The following CADPS2 variants were observed in gnomAD, a reference collection of about 807,000 sequenced individuals.
The protein encoded by CADPS2 is calcium dependent secretion activator 2.
A neutral mutation model predicts 172.5 loss-of-function variants in CADPS2; 93 were observed. The ratio of observed to expected loss-of-function variants is 0.54; its 90% CI spans 0.46 to 0.64. The LOEUF is 0.64. Ranked by LOEUF, CADPS2 falls within the 30% of genes least tolerant of loss-of-function variation. The probability of loss-of-function intolerance (pLI) is 0.00; values close to 1 mark genes in which losing one functional copy is unlikely to be tolerated. For synonymous variants in CADPS2, 546 were observed against 555.2 expected (o/e 0.98, Z 0.23); for missense variants, 1,420 against 1,565.9 (o/e 0.91, Z 1.57).
intron 1 of CADPS2, among the ~76,000 whole-genome samples, chr7:122,747,528 T>C (rs1344791855): frequency 6.6e-6 from 1 of 152,170 alleles, no homozygotes; most frequent in African/African-American, 2.4e-5. Flanking sequence ...CTAACATTTA[T>C]TGACCATTTA....
chr7:122,326,781 A>G (rs1292813576), intron 28 of CADPS2, among the ~76,000 whole-genome samples: 1 of 152,106 alleles, frequency 6.6e-6, no homozygotes, highest in Non-Finnish European at 1.5e-5. Flanking sequence ...ATATTTATTA[A>G]CATTGATCCA....
At chr7:122,566,605 A>G (rs559434009) in intron 7 of CADPS2, among the ~76,000 whole-genome samples, 19 of 152,296 alleles carry the variant, frequency 1.2e-4, no homozygotes, top group African/African-American at 4.1e-4. Flanking sequence ...TTTTATTAAT[A>G]TAGTGACTAA....
chr7:122,391,340 A>T (rs2044343386), intron 22 of CADPS2, among the ~76,000 whole-genome samples: 1 of 152,078 alleles, frequency 6.6e-6, no homozygotes, highest in South Asian at 2.1e-4. Context: ...CATACTTTAA[A>T]AAAGGGCCCT....
chr7:122,680,961 G>A (rs1184808886), intron 2 of CADPS2, among the ~76,000 whole-genome samples: 1 of 151,528 alleles, frequency 6.6e-6, no homozygotes, highest in East Asian at 1.9e-4. Context: ...ACAAAATGAT[G>A]AGTTCATGTC....
At chr7:122,414,510 C>T (rs901110644) in intron 18 of CADPS2, among the ~76,000 whole-genome samples, 1 of 152,114 alleles carries the variant, frequency 6.6e-6, no homozygotes, top group Admixed American at 6.5e-5. Context: ...TATTTTATCA[C>T]ATAATCACTT....
chr7:122,430,815 A>G (rs895658880), intron 17 of CADPS2, among the ~76,000 whole-genome samples: 1 of 152,240 alleles, frequency 6.6e-6, no homozygotes, highest in Non-Finnish European at 1.5e-5. Flanking sequence ...TATTTAACCC[A>G]TTATGAAATT....
At chr7:122,639,132 A>G (rs1466196323) in intron 3 of CADPS2, among the ~76,000 whole-genome samples, 3 of 152,244 alleles carry the variant, frequency 2.0e-5, no homozygotes, top group Non-Finnish European at 2.9e-5. Context: ...AATGAAGGCA[A>G]TGGATAAAAA....
chr7:122,432,036 A>G (rs544014086), intron 17 of CADPS2, among the ~76,000 whole-genome samples: 2 of 152,300 alleles, frequency 1.3e-5, no homozygotes, highest in South Asian at 4.1e-4. Flanking sequence ...CTAAATAATT[A>G]TCATTATTTT....
At chr7:122,808,648 AT>A (rs914159175) in intron 1 of CADPS2, among the ~76,000 whole-genome samples, 1 of 152,228 alleles carries the variant, frequency 6.6e-6, no homozygotes, top group African/African-American at 2.4e-5. Context: ...CAGTTCAGAT[AT>A]CTCTGAACAG....
intron 6 of CADPS2, among the ~76,000 whole-genome samples, chr7:122,611,265 A>T (rs2074257778): frequency 6.6e-6 from 1 of 152,118 alleles, no homozygotes; most frequent in African/African-American, 2.4e-5. Context: ...ATCATCCTAG[A>T]AATGTTATTT....
chr7:122,464,912 T>C (rs937430478), intron 14 of CADPS2, among the ~76,000 whole-genome samples: 5 of 152,236 alleles, frequency 3.3e-5, no homozygotes, highest in Admixed American at 2.0e-4. Flanking sequence ...TGTGCCAACG[T>C]TGATTTCTTA....
chr7:122,346,805 A>G (rs1289890250), intron 27 of CADPS2, among the ~76,000 whole-genome samples: 4 of 152,180 alleles, frequency 2.6e-5, no homozygotes, highest in Non-Finnish European at 5.9e-5. Context: ...GCTGTTAAAG[A>G]CTTTTTTCTA....
intron 20 of CADPS2, among the ~76,000 whole-genome samples, chr7:122,406,634 C>T (rs2046677851): frequency 1.3e-5 from 2 of 152,078 alleles, no homozygotes; most frequent in African/African-American, 4.8e-5. Flanking sequence ...GCACGAAAAC[C>T]CTATCGTGAG....
At chr7:122,534,759 G>T (rs2062080067) in intron 8 of CADPS2, among the ~76,000 whole-genome samples, 1 of 152,002 alleles carries the variant, frequency 6.6e-6, no homozygotes, top group South Asian at 2.1e-4. Context: ...CAGGAAAAAA[G>T]TGCATTTTTA....
At chr7:122,645,965 T>C (rs1013371612) in intron 3 of CADPS2, among the ~76,000 whole-genome samples, 2 of 151,792 alleles carry the variant, frequency 1.3e-5, no homozygotes, top group African/African-American at 4.8e-5. Context: ...ACTATACTTA[T>C]CTCAATAAAA....
At chr7:122,695,158 G>T (rs898619067) in intron 2 of CADPS2, among the ~76,000 whole-genome samples, 1 of 152,214 alleles carries the variant, frequency 6.6e-6, no homozygotes, top group Non-Finnish European at 1.5e-5. Context: ...ATAACAAGAG[G>T]TACTGTATAG....
intron 24 of CADPS2, among the ~76,000 whole-genome samples, chr7:122,384,871 G>C (rs929584397): frequency 1.3e-5 from 2 of 152,024 alleles, no homozygotes; most frequent in African/African-American, 4.8e-5. Context: ...ACAGCAAGTT[G>C]TTTCTTACAG....
chr7:122,753,159 C>T (rs2093020220), intron 1 of CADPS2, among the ~76,000 whole-genome samples: 2 of 152,104 alleles, frequency 1.3e-5, no homozygotes, highest in Admixed American at 1.3e-4. Context: ...CTTACAAGCA[C>T]ATTTTTGAAT....
Position 122,663,222 on chromosome 7 carries a change from T to C in CADPS2, c.786+15A>G, listed in dbSNP as rs2080805707. Reference sequence around the variant, plus strand: ...GAGTCAGACAGGGGAAGGGAAAATATCAGAGACCACTTACCTGACATGCAT... The same window carrying C: ...GAGTCAGACAGGGGAAGGGAAAATACCAGAGACCACTTACCTGACATGCAT... On this transcript the variant is annotated intron_variant, in intron 3 of 29. Transcript: ENST00000449022. 5 of 1,573,086 alleles carry C rather than the reference T, an allele frequency of 3.2e-6. No homozygotes were observed. The South Asian group carries it at 3.4e-5, about 11-fold the overall frequency.
Sources: allele counts gnomAD v4.1 joint callset (sites outside exome capture counted in the v4.1 genomes callset), GRCh38; gene constraint gnomAD v4.1.1; transcripts MANE v1.5; gene names NCBI Gene and HGNC (gene_info 2026-07-23, HGNC 2026-07-21).